HIVEP3: variants seen among roughly 807,000 people sequenced by gnomAD.
HIVEP3 encodes the protein transcription factor HIVEP3.
In HIVEP3, 49 loss-of-function variants were observed where a neutral mutation model predicts 152.8. The ratio of observed to expected loss-of-function variants is 0.32; its 90% CI spans 0.26 to 0.41. The LOEUF (loss-of-function observed/expected upper bound fraction) is 0.41, where lower values mean the gene tolerates loss of function less well. Among genes scored for constraint, HIVEP3 ranks in the 10% least tolerant of loss-of-function variants. The pLI is 1.00. For synonymous variants in HIVEP3, 1,269 were observed against 1,289.0 expected (o/e 0.98, Z 0.33); for missense variants, 2,790 against 3,103.3 (o/e 0.90, Z 2.40).
At chr1:41,603,058 T>G (rs1644769123) in intron 3 of HIVEP3, among the ~76,000 whole-genome samples, 1 of 152,042 alleles carries the variant, frequency 6.6e-6, no homozygotes, top group Non-Finnish European at 1.5e-5. Context: ...TTTCTATTTA[T>G]TTATTTATTT....
At chr1:41,631,829 C>G (rs925746214) in intron 2 of HIVEP3, among the ~76,000 whole-genome samples, 1 of 152,134 alleles carries the variant, frequency 6.6e-6, no homozygotes, top group Non-Finnish European at 1.5e-5. Context: ...TCAAAATGGC[C>G]GTGCTCTCTT....
chr1:41,699,724 T>A (rs1646332677), intron 2 of HIVEP3, among the ~76,000 whole-genome samples: 1 of 151,938 alleles, frequency 6.6e-6, no homozygotes, highest in South Asian at 2.1e-4. Flanking sequence ...CAGCACGGGG[T>A]GTCCTGCCCT....
At chr1:41,885,030 T>TG (rs1644322570) in intron 1 of HIVEP3, among the ~76,000 whole-genome samples, 1 of 152,200 alleles carries the variant, frequency 6.6e-6, no homozygotes, top group Non-Finnish European at 1.5e-5. Context: ...CCAGTACCCA[T>TG]GCTCTCCACA....
At chr1:41,725,834 G>T (rs1326647566) in intron 1 of HIVEP3, among the ~76,000 whole-genome samples, 3 of 152,204 alleles carry the variant, frequency 2.0e-5, no homozygotes, top group African/African-American at 7.2e-5. Flanking sequence ...TAAGACCCAA[G>T]CTGCATTACT....
intron 2 of HIVEP3, among the ~76,000 whole-genome samples, chr1:41,653,112 C>T (rs1038807310): frequency 2.0e-5 from 3 of 152,120 alleles, no homozygotes; most frequent in Non-Finnish European, 4.4e-5. Context: ...TGTTTATTCA[C>T]TTTAATTTTT....
intron 1 of HIVEP3, among the ~76,000 whole-genome samples, chr1:41,795,248 C>T (rs1476300303): frequency 6.6e-6 from 1 of 152,126 alleles, no homozygotes; most frequent in Non-Finnish European, 1.5e-5. Flanking sequence ...TTTTCATGAT[C>T]ATGATATTTT....
intron 3 of HIVEP3, among the ~76,000 whole-genome samples, chr1:41,609,561 C>T (rs568089630): frequency 1.3e-5 from 2 of 152,250 alleles, no homozygotes; most frequent in African/African-American, 2.4e-5. Flanking sequence ...AAGGGTTCCA[C>T]CCCATCCTCT....
intron 2 of HIVEP3, among the ~76,000 whole-genome samples, chr1:41,683,929 G>A (rs1469891265): frequency 6.6e-6 from 1 of 152,190 alleles, no homozygotes; most frequent in Non-Finnish European, 1.5e-5. Flanking sequence ...GAGGAACTCA[G>A]CAAGTTGTGT....
chr1:41,874,783 G>A (rs1220870989), intron 1 of HIVEP3, among the ~76,000 whole-genome samples: 1 of 152,190 alleles, frequency 6.6e-6, no homozygotes, highest in Non-Finnish European at 1.5e-5. Context: ...GAGGCCCTGA[G>A]GGATTTAGTT....
At chr1:41,616,617 A>G (rs957317759) in intron 3 of HIVEP3, among the ~76,000 whole-genome samples, 64 of 87,706 alleles carry the variant, frequency 7.3e-4, no homozygotes, top group Admixed American at 1.0e-3. Context: ...GAAGATGGGG[A>G]GCCTTTTTTT....
intron 1 of HIVEP3, among the ~76,000 whole-genome samples, chr1:41,994,501 T>G (rs142940034): frequency 6.6e-6 from 1 of 152,186 alleles, no homozygotes; most frequent in Non-Finnish European, 1.5e-5. Flanking sequence ...GTTCTCATGA[T>G]AGTGAATGAG....
intron 2 of HIVEP3, among the ~76,000 whole-genome samples, chr1:41,633,178 G>C (rs1645220610): frequency 6.6e-6 from 1 of 152,130 alleles, no homozygotes; most frequent in Non-Finnish European, 1.5e-5. Flanking sequence ...GGCAAACCGA[G>C]CCCATTTATC....
chr1:41,588,741 C>A (rs1644542780), intron 3 of HIVEP3, among the ~76,000 whole-genome samples: 1 of 152,152 alleles, frequency 6.6e-6, no homozygotes, highest in Non-Finnish European at 1.5e-5. Flanking sequence ...TGAGCGAGGC[C>A]TGTGAGCTGG....
intron 1 of HIVEP3, among the ~76,000 whole-genome samples, chr1:41,872,238 A>C (rs1052036271): frequency 3.3e-5 from 5 of 152,250 alleles, no homozygotes; most frequent in Admixed American, 2.6e-4. Flanking sequence ...AAGAAGATTT[A>C]CAGACAAAAG....
At chr1:41,695,251 G>A (rs1646256124) in intron 2 of HIVEP3, among the ~76,000 whole-genome samples, 1 of 152,102 alleles carries the variant, frequency 6.6e-6, no homozygotes, top group Non-Finnish European at 1.5e-5. Flanking sequence ...ATCTGGAGAT[G>A]GCCCTCCAGA....
chr1:41,631,322 A>C (rs1645190584), intron 2 of HIVEP3, among the ~76,000 whole-genome samples: 1 of 152,170 alleles, frequency 6.6e-6, no homozygotes, highest in Admixed American at 6.5e-5. Flanking sequence ...AGTGGGGCTA[A>C]GAATGGTGAG....
At chr1:41,546,024 A>T (rs1474749856) in intron 5 of HIVEP3, among the ~76,000 whole-genome samples, 2 of 152,232 alleles carry the variant, frequency 1.3e-5, no homozygotes, top group African/African-American at 4.8e-5. Flanking sequence ...TGTGAATCCC[A>T]GCTCTGCTCC....
chr1:42,027,747 G>A (rs1055563267), intron 1 of HIVEP3, among the ~76,000 whole-genome samples: 3 of 152,176 alleles, frequency 2.0e-5, no homozygotes, highest in Non-Finnish European at 4.4e-5. Flanking sequence ...ATCATGGCGG[G>A]AGGTAAAAGG....
chr1:42,035,488 C>T (rs1645636312), intron 1 of HIVEP3, among the ~76,000 whole-genome samples: 1 of 152,228 alleles, frequency 6.6e-6, no homozygotes, highest in Non-Finnish European at 1.5e-5. Context: ...CCTGGGAGCG[C>T]GTTGCGGGGA....
Sources: allele counts gnomAD v4.1 joint callset (sites outside exome capture counted in the v4.1 genomes callset), GRCh38; gene constraint gnomAD v4.1.1; transcripts MANE v1.5; gene names NCBI Gene and HGNC (gene_info 2026-07-23, HGNC 2026-07-21).